The following BACH1 variants were observed in gnomAD, a reference collection of about 807,000 sequenced individuals.
BACH1 encodes the protein BTB domain and CNC homolog 1, also known as transcription regulator protein BACH1.
Under a neutral mutation model 52.9 loss-of-function variants are expected in BACH1, and 35 were observed. The observed-to-expected ratio is 0.66, with a 90% CI of 0.51 to 0.88. The LOEUF (loss-of-function observed/expected upper bound fraction) is 0.88. BACH1 is among the 40% of genes least tolerant of loss of function. The pLI, the probability that BACH1 is intolerant of heterozygous loss-of-function variation, is 0.00. For synonymous variants in BACH1, 321 were observed against 319.6 expected (o/e 1.00, Z -0.05); for missense variants, 808 against 872.6 (o/e 0.93, Z 0.93).
intron 2 of BACH1, among the ~76,000 whole-genome samples, chr21:29,322,895 G>A (rs2088865590): frequency 2.0e-5 from 3 of 152,170 alleles, no homozygotes; most frequent in African/African-American, 7.2e-5. Flanking sequence ...TTATAATGGA[G>A]ATGTATTAAC....
In BACH1 at chr21:29,326,319, A is replaced by G. The variant is rs2088910202; in HGVS notation, c.495A>G (p.Leu165=). 1 of 1,614,246 alleles carries G rather than the reference A, an allele frequency of 6.2e-7. No homozygotes were observed. The highest frequency in any genetic ancestry group is 8.5e-7 in the Non-Finnish European group (1 of 1,180,034). ...LKLSLLDQRD[L]ETDEVEEFLE... ...TTTCACTTTTGGACCAGAGGGATCT[A>G]GAAACTGATGAAGTGGAGGAATTTC... Residue 165 remains leucine (L), a synonymous_variant, in exon 3 of 5, where the codon CTA becomes CTG. Coordinates refer to ENST00000286800, the MANE Select transcript of BACH1 (RefSeq NM_001186.4).
chr21:29,314,092 A>G (rs1389257211), intron 1 of BACH1, among the ~76,000 whole-genome samples: 2 of 152,238 alleles, frequency 1.3e-5, no homozygotes, highest in Non-Finnish European at 2.9e-5. Flanking sequence ...TCACATTTTC[A>G]TAGCAGATAA....
chr21:29,347,730 C>T (rs182183920), downstream of BACH1, among the ~76,000 whole-genome samples: 3 of 152,284 alleles, frequency 2.0e-5, no homozygotes, highest in South Asian at 2.1e-4. Context: ...GCTCTGGATC[C>T]AGCAGTGTAC....
At chr21:29,356,361 ATTAAC>A (rs1462534282) in intron 2 of BACH1, among the ~76,000 whole-genome samples, 1 of 152,202 alleles carries the variant, frequency 6.6e-6, no homozygotes, top group Non-Finnish European at 1.5e-5. Flanking sequence ...TTCAGTCCAT[ATTAAC>A]TTAGAATTGG....
At chr21:29,311,653 T>A (rs1017344213) in intron 1 of BACH1, among the ~76,000 whole-genome samples, 1 of 152,198 alleles carries the variant, frequency 6.6e-6, no homozygotes, top group Non-Finnish European at 1.5e-5. Flanking sequence ...TCCCCCCACA[T>A]GTATTTGTAA....
At chr21:29,329,104 T>C (rs1198933609) in intron 3 of BACH1, among the ~76,000 whole-genome samples, 6 of 152,044 alleles carry the variant, frequency 3.9e-5, no homozygotes, top group Non-Finnish European at 8.8e-5. Context: ...GCCCAGGAGT[T>C]TGAGATCAGC....
At chr21:29,353,485 C>T (rs949524199) in intron 2 of BACH1, among the ~76,000 whole-genome samples, 1 of 152,178 alleles carries the variant, frequency 6.6e-6, no homozygotes, top group African/African-American at 2.4e-5. Context: ...CAGAGGTCCC[C>T]TCTCTGTTCC....
At chr21:29,307,724 A>G (rs2076237740) in intron 1 of BACH1, among the ~76,000 whole-genome samples, 1 of 152,188 alleles carries the variant, frequency 6.6e-6, no homozygotes, top group Non-Finnish European at 1.5e-5. Flanking sequence ...GGTTCTTGGA[A>G]TGTATCCCCT....
chr21:29,360,111 C>A (rs947250034), intron 2 of BACH1, among the ~76,000 whole-genome samples: 1 of 152,188 alleles, frequency 6.6e-6, no homozygotes, highest in African/African-American at 2.4e-5. Flanking sequence ...TTCCACCTTT[C>A]TGGACCAAAC....
At chr21:29,333,765 G>A (rs1477742364) in intron 4 of BACH1, among the ~76,000 whole-genome samples, 1 of 152,152 alleles carries the variant, frequency 6.6e-6, no homozygotes, top group Non-Finnish European at 1.5e-5. Flanking sequence ...ATTCTAAAAT[G>A]TTTGCAAAGT....
downstream of BACH1, among the ~76,000 whole-genome samples, chr21:29,349,981 T>C (rs1413423113): frequency 6.6e-6 from 1 of 151,916 alleles, no homozygotes; most frequent in African/African-American, 2.4e-5. Context: ...AAGATGCCCC[T>C]CCCCACCAGC....
chr21:29,312,991 A>G (rs1601343494), intron 1 of BACH1, among the ~76,000 whole-genome samples: 1 of 152,238 alleles, frequency 6.6e-6, no homozygotes, highest in African/African-American at 2.4e-5. Flanking sequence ...AACATCCATT[A>G]CTTATCAAGA....
chr21:29,299,179 T>G (rs1275903910), intron 1 of BACH1, among the ~76,000 whole-genome samples: 1 of 151,352 alleles, frequency 6.6e-6, no homozygotes, highest in African/African-American at 2.4e-5. Context: ...GGGCGTCCCG[T>G]CGGCGGCCGA....
At chr21:29,354,584 AAGAT>A (rs780345151) in intron 2 of BACH1, among the ~76,000 whole-genome samples, 2 of 152,208 alleles carry the variant, frequency 1.3e-5, no homozygotes, top group African/African-American at 2.4e-5. Flanking sequence ...GCTGGTAAAA[AAGAT>A]AGAACCACAG....
In BACH1 at chr21:29,337,135, C is replaced by G. The variant is rs139662568; in HGVS notation, c.1777-5264C>G. ...TGGGAGAGCCCGTTCAAGCCAGCTCCTGTCCTGTTGACATAACCATCTAGC... is the reference window on the plus strand; with the variant it reads ...TGGGAGAGCCCGTTCAAGCCAGCTCGTGTCCTGTTGACATAACCATCTAGC... On this transcript the variant is annotated intron_variant, in intron 4 of 4. Transcript: ENST00000286800. 3.3e-3 allele frequency among the ~76,000 whole-genome samples: 504 copies of G among 152,350 alleles called. 2 individuals are homozygous for G. The highest frequency in any genetic ancestry group is 0.012 in the African/African-American group (493 of 41,572).
rs535790386 is a variant in BACH1 at position 29,324,775 on chromosome 21, A to C, written c.235-1284A>C. 1.2e-4 allele frequency among the ~76,000 whole-genome samples: 18 copies of C among 152,288 alleles called. No homozygotes were observed. In the South Asian group the frequency reaches 1.2e-3, roughly 11 times the overall value. On this transcript the variant is annotated intron_variant, in intron 2 of 4. Coordinates refer to ENST00000286800, the MANE Select transcript of BACH1 (RefSeq NM_001186.4). ...ATATGGTAGTTGCATGTTTAGTTTT[A>C]TAAGAAAGTTTTTTTCAAAGTGTCT...
intron 4 of BACH1, among the ~76,000 whole-genome samples, chr21:29,332,072 A>G (rs1307735410): frequency 6.6e-6 from 1 of 152,092 alleles, no homozygotes; most frequent in Non-Finnish European, 1.5e-5. Context: ...AGCTGGGATT[A>G]CAGGCACGTG....
At chr21:29,347,258 G>A (rs376104486), downstream of BACH1, among the ~76,000 whole-genome samples, 2 of 152,154 alleles carry the variant, frequency 1.3e-5, no homozygotes, top group South Asian at 2.1e-4. Flanking sequence ...TCTGGAATTA[G>A]GCAGACTTAA....
rs1464111016 is a variant in BACH1 at position 29,344,656 on chromosome 21, GTGTGTGTGTGTGTA to G, written c.*1829_*1842del. ...AATTTGTGTGTGTGTGTGTGTGTGT[GTGTGTGTGTGTGTA>G]TGTGTATGTATACATATATATCTCT... is the stretch of plus-strand genomic sequence containing the variant. On this transcript the variant is annotated 3_prime_UTR_variant, in exon 5 of 5. Coordinates refer to ENST00000286800, the MANE Select transcript of BACH1 (RefSeq NM_001186.4). The G allele has an allele frequency of 6.6e-6, 1 of 152,012 alleles. No individual in the cohort carries two copies. The highest frequency in any genetic ancestry group is 2.4e-5 in the African/African-American group (1 of 41,302). The allele number at this position is 152,012 out of a possible 1,614,324, so 9.4% of individuals were successfully genotyped here.
Sources: allele counts gnomAD v4.1 joint callset (sites outside exome capture counted in the v4.1 genomes callset), GRCh38; gene constraint gnomAD v4.1.1; transcripts MANE v1.5; gene names NCBI Gene and HGNC (gene_info 2026-07-23, HGNC 2026-07-21).